The following CDHR5 variants were observed in gnomAD, a reference collection of about 807,000 sequenced individuals.
The protein encoded by CDHR5 is cadherin related family member 5, also known as cadherin-related family member 5.
A neutral mutation model predicts 69.5 loss-of-function variants in CDHR5; 82 were observed. The ratio of observed to expected loss-of-function variants is 1.18; its 90% CI spans 0.99 to 1.42. The LOEUF (loss-of-function observed/expected upper bound fraction) is 1.42, where lower values mean the gene tolerates loss of function less well. CDHR5 is among the 40% of genes most tolerant of loss of function. The pLI is 0.00. For synonymous variants in CDHR5, 601 were observed against 510.2 expected (o/e 1.18, Z -2.40); for missense variants, 1,293 against 1,168.9 (o/e 1.11, Z -1.55).
chr11:619,318 G>C lies in CDHR5; in HGVS notation c.1366C>G (p.Pro456Ala), dbSNP rs762977239. The C allele has an allele frequency of 2.5e-6, 4 of 1,610,592 alleles. No individual in the cohort carries two copies. Among genetic ancestry groups the C allele is most frequent in the African/African-American group, 2.7e-5 (2 of 74,810 alleles). ...GAGGGGGGCTTACCTGTGGAGGGGG[G>C]CTCCTGTTCGGAAACTTGTATCTCA... is the stretch of plus-strand genomic sequence containing the variant. Reference protein sequence around the residue: ...VIEIQVSEQEPPSTDVPPSPE... With the variant: ...VIEIQVSEQEAPSTDVPPSPE... The change falls in exon 12 of 15, where the codon CCC (proline) becomes GCC (alanine). Residue 456 changes from proline to alanine, a missense_variant. Transcript: ENST00000397542.
rs1343056350 is a variant in CDHR5 at position 618,622 on chromosome 11, A to G, written c.1937T>C (p.Leu646Pro). 1.2e-6 allele frequency: 2 copies of G among 1,613,494 alleles called. No homozygotes were observed. The highest frequency in any genetic ancestry group is 2.7e-5 in the African/African-American group (2 of 74,768). ...ACCTGAAGATGGGGTGCTCTTGCTG[A>G]GGGGCATCGGCTGAGAGGTTCCTGG... ...PEPGTSQPMP[L>P]SKSTPSSGGG... Residue 646 changes from leucine to proline, a missense_variant, in exon 13 of 15, where the codon CTC (leucine) becomes CCC (proline). Transcript: ENST00000397542.
At chr11:623,245 G>A (rs1000283316) in intron 3 of CDHR5, among the ~76,000 whole-genome samples, 1 of 152,194 alleles carries the variant, frequency 6.6e-6, no homozygotes, top group Non-Finnish European at 1.5e-5. Flanking sequence ...GGAGGCGGAA[G>A]TTGCAGTGAG....
At position 624,141 on chromosome 11, in the gene CDHR5, G is replaced by A; in HGVS notation, c.312+72C>T. ...ACCCTAGCTGACGTCATCAAAGACT[G>A]GTCCTGGACCGGCAGGGCAGAGCCC... On this transcript the variant is annotated intron_variant, in intron 3 of 14. Coordinates refer to ENST00000397542, the MANE Select transcript of CDHR5 (RefSeq NM_021924.5). This position sits in a 1 kb window ranked among gnomAD's most constrained non-coding sequence, Gnocchi z 5.3. 1 of 713,428 alleles carries A rather than the reference G, an allele frequency of 1.4e-6. No homozygotes were observed. The highest frequency in any genetic ancestry group is 2.6e-6 in the Non-Finnish European group (1 of 383,302). 44.2% of individuals were successfully genotyped at this position (713,428 alleles called of 1,614,324 possible). A position where few individuals can be genotyped will look rare whatever the true frequency, so the allele number is the denominator to read the frequency against.
chr11:619,362 C>A lies in CDHR5; in HGVS notation c.1322G>T (p.Gly441Val). The A allele has an allele frequency of 6.2e-7, 1 of 1,613,676 alleles. No individual in the cohort carries two copies. The change falls in exon 12 of 15, where the codon GGC (glycine) becomes GTC (valine). Residue 441 changes from glycine (G) to valine (V), a missense_variant. By Grantham distance (109) the Gly-to-Val change is moderately radical (BLOSUM62 -3). Transcript: ENST00000397542. ...EVEAHNTVTS[G>V]TATTVIEIQV... ...TATCTCAATGACTGTGGTTGCGGTGCCAGAGGTCACCGTGTTGTGGGCCTC... is the reference window on the plus strand; with the variant it reads ...TATCTCAATGACTGTGGTTGCGGTGACAGAGGTCACCGTGTTGTGGGCCTC...
In CDHR5 at chr11:619,303, T is replaced by TA. The variant is rs748341688; in HGVS notation, c.1378+2dup. On this transcript the variant is annotated splice_region_variant and intron_variant, in intron 12 of 14. Coordinates refer to ENST00000397542, the MANE Select transcript of CDHR5 (RefSeq NM_021924.5). ...GGGGGCTCACCTGTGGAGGGGGGCTTACCTGTGGAGGGGGGCTCCTGTTCG... is the reference window on the plus strand; with the variant it reads ...GGGGGCTCACCTGTGGAGGGGGGCTTAACCTGTGGAGGGGGGCTCCTGTTCG... 1 of 1,591,306 alleles carries TA rather than the reference T, an allele frequency of 6.3e-7. No individual in the cohort carries two copies. Among genetic ancestry groups the TA allele is most frequent in the South Asian group, 1.1e-5 (1 of 90,512 alleles).
rs752534436 is a variant in CDHR5, at chr11:619,059, T to G, written c.1500A>C (p.Thr500=). 4 of 1,612,848 alleles carry G rather than the reference T, an allele frequency of 2.5e-6. No homozygotes were observed. Among genetic ancestry groups the G allele is most frequent in the Non-Finnish European group, 2.5e-6 (3 of 1,179,756 alleles). ...GPSTTSSGGG[T]GPHPPSGTTL... The stretch of plus-strand genomic sequence containing the variant: ...TTGTGCCAGAGGGTGGATGAGGGCC[T>G]GTGCCTCCCCCAGAGCTGGTCGTGG... Residue 500 remains threonine, a synonymous_variant, in exon 13 of 15, where the codon ACA becomes ACC. Coordinates refer to ENST00000397542, the MANE Select transcript of CDHR5 (RefSeq NM_021924.5).
In CDHR5 at chr11:618,952, C is replaced by G; in HGVS notation, c.1607G>C (p.Gly536Ala). The G allele has an allele frequency of 6.2e-7, 1 of 1,610,734 alleles. No individual in the cohort carries two copies. The highest frequency in any genetic ancestry group is 8.5e-7 in the Non-Finnish European group (1 of 1,177,544). ...NSTSHQPATPGGDTAQTPKPG... is the reference protein window; with the variant it reads ...NSTSHQPATPAGDTAQTPKPG... ...CTTTGGGGTCTGTGCTGTGTCCCCACCGGGAGTGGCTGGTTGGTGGGAGGT... is the reference window on the plus strand; with the variant it reads ...CTTTGGGGTCTGTGCTGTGTCCCCAGCGGGAGTGGCTGGTTGGTGGGAGGT... The change falls in exon 13 of 15, where the codon GGT (glycine) becomes GCT (alanine). Residue 536 changes from glycine (G) to alanine (A), a missense_variant. Transcript: ENST00000397542.
chr11:621,073 C>G lies in CDHR5; in HGVS notation c.789+7G>C. 1.3e-6 allele frequency: 2 copies of G among 1,525,110 alleles called. No individual in the cohort carries two copies. Among genetic ancestry groups the G allele is most frequent in the South Asian group, 2.6e-5 (2 of 77,236 alleles). 94.5% of individuals were successfully genotyped at this position (1,525,110 alleles called of 1,614,324 possible). A position where few individuals can be genotyped will look rare whatever the true frequency, so the allele number is the denominator to read the frequency against. On this transcript the variant is annotated splice_region_variant and intron_variant, in intron 7 of 14. Transcript: ENST00000397542. The surrounding 1 kb of genome is among the most constrained non-coding windows in gnomAD (Gnocchi z 4.4). ...TGCCCCGTGCACTGCCCCTCCCTCC[C>G]CATTACCAGTATGTGCCCCGTGGGG...
chr11:621,018 G>A lies in CDHR5; in HGVS notation c.789+62C>T, dbSNP rs1857343956. 15 of 862,172 alleles carry A rather than the reference G, an allele frequency of 1.7e-5. No individual in the cohort carries two copies. The Admixed American group carries it at 2.1e-4, about 12-fold the overall frequency. 53.4% of individuals were successfully genotyped at this position (862,172 alleles called of 1,614,324 possible). A position where few individuals can be genotyped will look rare whatever the true frequency, so the allele number is the denominator to read the frequency against. ...CGCCCTTCCTCTCCTGATCCTGGCCGTCCCTGTGTCCAGCCTGCCTAGAAG... is the reference window on the plus strand; with the variant it reads ...CGCCCTTCCTCTCCTGATCCTGGCCATCCCTGTGTCCAGCCTGCCTAGAAG... On this transcript the variant is annotated intron_variant, in intron 7 of 14. Coordinates refer to ENST00000397542, the MANE Select transcript of CDHR5 (RefSeq NM_021924.5). The surrounding 1 kb of genome is among the most constrained non-coding windows in gnomAD (Gnocchi z 4.4).
rs570089271 is a variant in CDHR5 at position 624,530 on chromosome 11, C to T, written c.261+27G>A. On this transcript the variant is annotated intron_variant, in intron 2 of 14. Coordinates refer to ENST00000397542, the MANE Select transcript of CDHR5 (RefSeq NM_021924.5). This position sits in a 1 kb window ranked among gnomAD's most constrained non-coding sequence, Gnocchi z 5.3. Reference sequence around the variant, plus strand: ...GCAGGTGCCCTTCTCCCGGGACCCCCATATCCCGCCCGCCTGCCGCCCACA... The same window carrying T: ...GCAGGTGCCCTTCTCCCGGGACCCCTATATCCCGCCCGCCTGCCGCCCACA... 3.7e-6 allele frequency: 6 copies of T among 1,605,440 alleles called. No homozygotes were observed. The highest frequency in any genetic ancestry group is 2.7e-5 in the African/African-American group (2 of 74,790).
At position 617,954 on chromosome 11, in the gene CDHR5, C is replaced by G; in HGVS notation, c.2118G>C (p.Pro706=). 2 of 1,610,464 alleles carry G rather than the reference C, an allele frequency of 1.2e-6. No individual in the cohort carries two copies. Among genetic ancestry groups the G allele is most frequent in the Non-Finnish European group, 1.7e-6 (2 of 1,179,260 alleles). Residue 706 remains proline (P), a splice_region_variant and synonymous_variant, in exon 14 of 15, where the codon CCG becomes CCC. Coordinates refer to ENST00000397542, the MANE Select transcript of CDHR5 (RefSeq NM_021924.5). The part of the protein sequence containing the change: ...PRLKCCCGKA[P]EPQPQGFDNQ... ...CCCTGTTCTCCATCCTGGGCCTCACCGGAGCTTTGCCACAGCAGCACTTGA... is the reference window on the plus strand; with the variant it reads ...CCCTGTTCTCCATCCTGGGCCTCACGGGAGCTTTGCCACAGCAGCACTTGA...
At position 624,733 on chromosome 11, in the gene CDHR5, C is replaced by A; in HGVS notation, c.86-1G>T. On this transcript the variant is annotated splice_acceptor_variant, in intron 1 of 14. Coordinates refer to ENST00000397542, the MANE Select transcript of CDHR5 (RefSeq NM_021924.5). LOFTEE classifies it high-confidence loss of function. This position sits in a 1 kb window ranked among gnomAD's most constrained non-coding sequence, Gnocchi z 5.3. Reference sequence around the variant, plus strand: ...AAGATGTCCTTGTTCACAGAGCAGTCTGTAAGGTTGCAGAGGAGGGATCAG... The same window carrying A: ...AAGATGTCCTTGTTCACAGAGCAGTATGTAAGGTTGCAGAGGAGGGATCAG... The A allele has an allele frequency of 6.2e-7, 1 of 1,605,644 alleles. No individual in the cohort carries two copies.
At chr11:623,717 G>A (rs1233227221) in intron 3 of CDHR5, among the ~76,000 whole-genome samples, 4 of 152,138 alleles carry the variant, frequency 2.6e-5, no homozygotes, top group Non-Finnish European at 4.4e-5. Context: ...GTTCTGCCAC[G>A]TGGAGTGGAC....
In CDHR5 at chr11:617,299, G is replaced by GT; in HGVS notation, c.*51_*52insA. ...ATTCTGCCTCGGGTCGGAGGCTGGG[G>GT]GAGCGAGACCTCCAGTGCCCGTGCG... On this transcript the variant is annotated 3_prime_UTR_variant, in exon 15 of 15. Coordinates refer to ENST00000397542, the MANE Select transcript of CDHR5 (RefSeq NM_021924.5). The GT allele has an allele frequency of 7.3e-7, 1 of 1,375,368 alleles. No homozygotes were observed. The highest frequency in any genetic ancestry group is 1.0e-6 in the Non-Finnish European group (1 of 990,644). The allele number at this position is 1,375,368 out of a possible 1,614,324, so 85.2% of individuals were successfully genotyped here. A position where few individuals can be genotyped will look rare whatever the true frequency, so the allele number is the denominator to read the frequency against.
Position 621,435 on chromosome 11 carries a change from G to A in CDHR5, c.528C>T (p.Ser176=), listed in dbSNP as rs1857379521. The change falls in exon 6 of 15, where the codon TCC becomes TCT. Residue 176 remains serine (S), a synonymous_variant. Transcript: ENST00000397542. This position sits in a 1 kb window ranked among gnomAD's most constrained non-coding sequence, Gnocchi z 4.4. The part of the protein sequence containing the change: ...EMTAGASDYF[S]LVSVNRPALR... Reference sequence around the variant, plus strand: ...GGGCGGGACGGTTTACACTCACCAGGGAGAAGTAGTCACTGGCACCCTGGG... The same window carrying A: ...GGGCGGGACGGTTTACACTCACCAGAGAGAAGTAGTCACTGGCACCCTGGG... 2 of 1,612,686 alleles carry A rather than the reference G, an allele frequency of 1.2e-6. No individual in the cohort carries two copies. Among genetic ancestry groups the A allele is most frequent in the Non-Finnish European group, 1.7e-6 (2 of 1,179,792 alleles).
At position 624,363 on chromosome 11, in the gene CDHR5, G is replaced by T; in HGVS notation, c.262-100C>A. 1.4e-6 allele frequency: 1 copy of T among 736,954 alleles called. No homozygotes were observed. The highest frequency in any genetic ancestry group is 2.0e-5 in the Admixed American group (1 of 50,354). 45.7% of individuals were successfully genotyped at this position (736,954 alleles called of 1,614,324 possible). On this transcript the variant is annotated intron_variant, in intron 2 of 14. Transcript: ENST00000397542. This position sits in a 1 kb window ranked among gnomAD's most constrained non-coding sequence, Gnocchi z 5.3. ...TGGCCCAGGGTCCCCATCATCAGTG[G>T]TCAGTGCTGAGGGTGTGGGCCCAGG...
rs984412641 is a variant in CDHR5, at chr11:620,041, GC to G, written c.978+25del. On this transcript the variant is annotated intron_variant, in intron 9 of 14. Transcript: ENST00000397542. Reference sequence around the variant, plus strand: ...CCTTCCACCCTTCCCCCTCTGCCCTGCCCCCCATGCAGGTGCCCACCTCACC... The same window carrying G: ...CCTTCCACCCTTCCCCCTCTGCCCTGCCCCCATGCAGGTGCCCACCTCACC... The G allele has an allele frequency of 6.6e-6, 10 of 1,510,882 alleles. No homozygotes were observed. In the Admixed American group the frequency reaches 1.1e-4, roughly 17 times the overall value. The allele number at this position is 1,510,882 out of a possible 1,614,324, so 93.6% of individuals were successfully genotyped here.
At position 624,164 on chromosome 11, in the gene CDHR5, C is replaced by A; in HGVS notation, c.312+49G>T. The A allele has an allele frequency of 2.7e-6, 2 of 731,656 alleles. No homozygotes were observed. The highest frequency in any genetic ancestry group is 3.5e-4 in the Middle Eastern group (1 of 2,852). 45.3% of individuals were successfully genotyped at this position (731,656 alleles called of 1,614,324 possible). A position where few individuals can be genotyped will look rare whatever the true frequency, so the allele number is the denominator to read the frequency against. On this transcript the variant is annotated intron_variant, in intron 3 of 14. Coordinates refer to ENST00000397542, the MANE Select transcript of CDHR5 (RefSeq NM_021924.5). This position sits in a 1 kb window ranked among gnomAD's most constrained non-coding sequence, Gnocchi z 5.3. Reference sequence around the variant, plus strand: ...CTGGTCCTGGACCGGCAGGGCAGAGCCCAGCAGAGGTGGCCGGGTGGGGCG... The same window carrying A: ...CTGGTCCTGGACCGGCAGGGCAGAGACCAGCAGAGGTGGCCGGGTGGGGCG...
rs1334748406 is a variant in CDHR5, at chr11:617,682, G to A, written c.2207C>T (p.Pro736Leu). 1.4e-6 allele frequency: 2 copies of A among 1,481,014 alleles called. No homozygotes were observed. The highest frequency in any genetic ancestry group is 1.8e-6 in the Non-Finnish European group (2 of 1,122,282). The allele number at this position is 1,481,014 out of a possible 1,614,324, so 91.7% of individuals were successfully genotyped here. A position where few individuals can be genotyped will look rare whatever the true frequency, so the allele number is the denominator to read the frequency against. ...WAPVPSPTHD[P>L]KPAEAPMPAE... ...GGGCATCGGTGCCTCCGCGGGCTTG[G>A]GGTCGTGCGTGGGGCTGGGGACGGG... The change falls in exon 15 of 15, where the codon CCC (proline) becomes CTC (leucine). Residue 736 changes from proline (P) to leucine (L), a missense_variant. Coordinates refer to ENST00000397542, the MANE Select transcript of CDHR5 (RefSeq NM_021924.5).
Sources: gnomAD v4.1 joint callset for allele counts (sites outside exome capture counted in the v4.1 genomes callset) on GRCh38, gnomAD v4.1.1 for gene constraint, Gnocchi (gnomAD v3.1) non-coding constraint, MANE v1.5 for transcripts, NCBI Gene and HGNC (gene_info 2026-07-23, HGNC 2026-07-21) for gene names.